TFDP1: variants seen among roughly 807,000 people sequenced by gnomAD.
TFDP1 encodes transcription factor Dp-1.
TFDP1 carries 6 observed loss-of-function variants against 48.0 expected under a neutral mutation model. The ratio of observed to expected loss-of-function variants is 0.13; its 90% confidence interval spans 0.07 to 0.25. The LOEUF (loss-of-function observed/expected upper bound fraction) is 0.25. Ranked by LOEUF, TFDP1 falls within the 10% of genes least tolerant of loss-of-function variation. The probability of loss-of-function intolerance (pLI) is 1.00; values close to 1 mark genes in which losing one functional copy is unlikely to be tolerated. For synonymous variants in TFDP1, 201 were observed against 211.6 expected, an observed-to-expected ratio of 0.95 and a Z score of 0.44; for missense variants, 335 against 543.0, an observed-to-expected ratio of 0.62 and a Z score of 3.81.
intron 2 of TFDP1, among the ~76,000 whole-genome samples, chr13:113,604,775 G>T (rs750371060): frequency 2.0e-5 from 3 of 152,192 alleles, no homozygotes; most frequent in Non-Finnish European, 4.4e-5. Context: ...CAGGACAGGC[G>T]GTCACCCCAC....
At chr13:113,626,280 TC>T (rs2049177589) in intron 4 of TFDP1, among the ~76,000 whole-genome samples, 1 of 152,256 alleles carries the variant, frequency 6.6e-6, no homozygotes, top group African/African-American at 2.4e-5. Context: ...CATGTTTTCT[TC>T]AGAGAACATG....
intron 4 of TFDP1, among the ~76,000 whole-genome samples, chr13:113,628,796 T>C (rs552931909): frequency 4.5e-4 from 69 of 152,354 alleles, no homozygotes; most frequent in African/African-American, 1.6e-3. Context: ...CTGTTTTCCC[T>C]GCGCTTCTGC....
chr13:113,608,994 C>T (rs2048639173), intron 2 of TFDP1, among the ~76,000 whole-genome samples: 2 of 152,220 alleles, frequency 1.3e-5, no homozygotes, highest in African/African-American at 4.8e-5. Flanking sequence ...ACCTGTAACA[C>T]ACTAATGGGT....
chr13:113,622,580 T>C (rs1045041420), intron 3 of TFDP1, among the ~76,000 whole-genome samples: 5 of 152,244 alleles, frequency 3.3e-5, no homozygotes, highest in Non-Finnish European at 7.3e-5. Context: ...CCAGGACTTT[T>C]ATCCACCGCC....
chr13:113,626,159 C>T (rs1188698429), intron 4 of TFDP1, among the ~76,000 whole-genome samples: 1 of 151,416 alleles, frequency 6.6e-6, no homozygotes, highest in Non-Finnish European at 1.5e-5. Context: ...CTCAGGTGTC[C>T]CCAGGTGTCT....
At chr13:113,618,430 G>T (rs1318055675) in intron 3 of TFDP1, among the ~76,000 whole-genome samples, 1 of 152,190 alleles carries the variant, frequency 6.6e-6, no homozygotes, top group African/African-American at 2.4e-5. Flanking sequence ...GCTGAGGTGG[G>T]AGGATCCCTT....
intron 3 of TFDP1, among the ~76,000 whole-genome samples, chr13:113,617,136 A>G (rs754373759): frequency 2.6e-5 from 4 of 152,198 alleles, no homozygotes; most frequent in Non-Finnish European, 5.9e-5. Flanking sequence ...CTGGAGGCCC[A>G]GCCACGTCAG....
chr13:113,594,988 C>G (rs2048251266), intron 2 of TFDP1, among the ~76,000 whole-genome samples: 1 of 152,186 alleles, frequency 6.6e-6, no homozygotes, highest in South Asian at 2.1e-4. Context: ...ATAAAGGCAG[C>G]TTTTCCAAGA....
chr13:113,636,490 C>G, intron 9 of TFDP1, 44 bp from the exon 10 acceptor site: 1 of 1,603,430 alleles, frequency 6.2e-7, no homozygotes, highest in South Asian at 1.1e-5. Context: ...TGTACCGTCT[C>G]CGCTGGGAGA....
rs189361837 is a variant in TFDP1 at position 113,596,760 on chromosome 13, G to A, written c.12+10911G>A. 3.9e-5 allele frequency among the ~76,000 whole-genome samples: 6 copies of A among 152,306 alleles called. No individual in the cohort carries two copies. The East Asian group carries it at 1.2e-3, about 29-fold the overall frequency. ...TTCTGGGGTGGAAGGGGATGAAGGTGGTCAGCATCGAGGTTGATCTTGATG... is the reference window on the plus strand; with the variant it reads ...TTCTGGGGTGGAAGGGGATGAAGGTAGTCAGCATCGAGGTTGATCTTGATG... On this transcript the variant is annotated intron_variant, in intron 2 of 11. Coordinates refer to ENST00000375370, the MANE Select transcript of TFDP1 (RefSeq NM_007111.5).
chr13:113,593,786 G>T (rs941085329), intron 2 of TFDP1, among the ~76,000 whole-genome samples: 2 of 145,108 alleles, frequency 1.4e-5, no homozygotes, highest in South Asian at 2.2e-4. Context: ...CAGGTGTGCT[G>T]TGCACGCGTC....
chr13:113,638,388 A>G (rs1326121439), intron 11 of TFDP1, among the ~76,000 whole-genome samples: 1 of 151,200 alleles, frequency 6.6e-6, no homozygotes, highest in Non-Finnish European at 1.5e-5. Context: ...ATCTATGGTC[A>G]TAGCGCATGT....
chr13:113,622,362 G>A (rs754839249), intron 3 of TFDP1, among the ~76,000 whole-genome samples: 2 of 152,196 alleles, frequency 1.3e-5, no homozygotes, highest in East Asian at 3.9e-4. Context: ...GGGGCACTGC[G>A]AGCCCCTTGC....
At position 113,636,716 on chromosome 13, in the gene TFDP1, AC is replaced by A; in HGVS notation, c.1006+17del. The A allele has an allele frequency of 6.2e-7, 1 of 1,605,234 alleles. No individual in the cohort carries two copies. The highest frequency in any genetic ancestry group is 8.5e-7 in the Non-Finnish European group (1 of 1,177,556). On this transcript the variant is annotated intron_variant, in intron 10 of 11. Coordinates refer to ENST00000375370, the MANE Select transcript of TFDP1 (RefSeq NM_007111.5). ...TACGTGACAGGTCAGCAATGCCCAG[AC>A]AACCTGGCGTGGCTGTGTGAGGAAT...
At chr13:113,608,960 TG>T (rs548040950) in intron 2 of TFDP1, among the ~76,000 whole-genome samples, 386 of 152,364 alleles carry the variant, frequency 2.5e-3, no homozygotes, top group African/African-American at 8.9e-3. Flanking sequence ...GCCCTCATGG[TG>T]ACCAGGACAT....
rs1162846998 is a variant in TFDP1 at position 113,633,869 on chromosome 13, TC to T, written c.475-19del. 2 of 1,596,536 alleles carry T rather than the reference TC, an allele frequency of 1.3e-6. No homozygotes were observed. The highest frequency in any genetic ancestry group is 4.5e-5 in the East Asian group (2 of 44,738). ...CGGCCTTTTTGGATCATTTGGAAAC[TC>T]CACTCCCTGTCATCCCCAGGCTTAT... On this transcript the variant is annotated intron_variant, in intron 6 of 11. Coordinates refer to ENST00000375370, the MANE Select transcript of TFDP1 (RefSeq NM_007111.5). The surrounding 1 kb of genome is among the most constrained non-coding windows in gnomAD (Gnocchi z 4.5).
intron 3 of TFDP1, among the ~76,000 whole-genome samples, chr13:113,615,164 G>A (rs1418733190): frequency 6.6e-6 from 1 of 152,192 alleles, no homozygotes; most frequent in Non-Finnish European, 1.5e-5. Context: ...TCTTACGTGG[G>A]CCATTTTAGT....
At chr13:113,635,693 A>G (rs1446527027) in intron 8 of TFDP1, among the ~76,000 whole-genome samples, 1 of 152,154 alleles carries the variant, frequency 6.6e-6, no homozygotes, top group Non-Finnish European at 1.5e-5. Context: ...GACTTCCAAA[A>G]TTGGTGTTTT....
In TFDP1 at chr13:113,633,262, A is replaced by C. The variant is rs1174846054; in HGVS notation, c.451A>C (p.Asn151His). 6.2e-7 allele frequency: 1 copy of C among 1,613,966 alleles called. No homozygotes were observed. Among genetic ancestry groups the C allele is most frequent in the Non-Finnish European group, 8.5e-7 (1 of 1,179,926 alleles). ...GGTTGCGGAGTTCAGTGCTGCCGACAACCACATCTTACCAAACGAGTCAGT... is the reference window on the plus strand; with the variant it reads ...GGTTGCGGAGTTCAGTGCTGCCGACCACCACATCTTACCAAACGAGTCAGT... ...ELVAEFSAAD[N>H]HILPNESAYD... The change falls in exon 6 of 12, where the codon AAC becomes CAC. Residue 151 changes from asparagine to histidine, a missense_variant. Coordinates refer to ENST00000375370, the MANE Select transcript of TFDP1 (RefSeq NM_007111.5). The surrounding 1 kb of genome is among the most constrained non-coding windows in gnomAD (Gnocchi z 4.5).
Sources: allele counts gnomAD v4.1 joint callset (sites outside exome capture counted in the v4.1 genomes callset), GRCh38; gene constraint gnomAD v4.1.1; non-coding constraint Gnocchi (gnomAD v3.1); transcripts MANE v1.5; gene names NCBI Gene and HGNC (gene_info 2026-07-23, HGNC 2026-07-21).